PIGG: variants seen among roughly 807,000 people sequenced by gnomAD.
PIGG encodes phosphatidylinositol glycan anchor biosynthesis class G (EMM blood group).
PIGG carries 70 observed loss-of-function variants against 83.2 expected under a neutral mutation model. That is an observed-to-expected ratio of 0.84 (90% CI 0.69 to 1.03). The LOEUF (loss-of-function observed/expected upper bound fraction) is 1.03, where lower values mean the gene tolerates loss of function less well. PIGG is among the 50% of genes least tolerant of loss of function. The probability of loss-of-function intolerance (pLI) is 0.00; values close to 1 mark genes in which losing one functional copy is unlikely to be tolerated. For synonymous variants in PIGG, 532 were observed against 519.5 expected (o/e 1.02, Z -0.33); for missense variants, 1,257 against 1,233.6 (o/e 1.02, Z -0.28).
Position 528,498 on chromosome 4 carries a change from G to A in PIGG, c.2261+1268G>A, listed in dbSNP as rs1360002174. The A allele has an allele frequency of 9.1e-6, 9 of 985,226 alleles. No homozygotes were observed. Among genetic ancestry groups the A allele is most frequent in the Middle Eastern group, 5.2e-4 (1 of 1,936 alleles). 61.0% of individuals were successfully genotyped at this position (985,226 alleles called of 1,614,324 possible). Reference sequence around the variant, plus strand: ...GGGAGTAAGGGGTGGGAGTTAGGGTGACCTGAGGCCTGGCTGAGGCAGTGA... The same window carrying A: ...GGGAGTAAGGGGTGGGAGTTAGGGTAACCTGAGGCCTGGCTGAGGCAGTGA... On this transcript the variant is annotated intron_variant, in intron 10 of 12. Transcript: ENST00000453061. The surrounding 1 kb of genome is among the most constrained non-coding windows in gnomAD (Gnocchi z 4.8).
intron 6 of PIGG, among the ~76,000 whole-genome samples, chr4:519,002 G>T (rs997590494): frequency 6.6e-5 from 10 of 152,094 alleles, no homozygotes; most frequent in Admixed American, 5.2e-4. Flanking sequence ...TCAGCTTGAT[G>T]CTCTTCCTGC....
chr4:539,293 G>A lies in PIGG; in HGVS notation c.2876G>A (p.Gly959Glu). 6.2e-7 allele frequency: 1 copy of A among 1,613,752 alleles called. No homozygotes were observed. The highest frequency in any genetic ancestry group is 8.5e-7 in the Non-Finnish European group (1 of 1,179,668). Residue 959 changes from glycine to glutamate, a missense_variant, in exon 13 of 13, where the codon GGA (glycine) becomes GAA (glutamate). Coordinates refer to ENST00000453061, the MANE Select transcript of PIGG (RefSeq NM_001127178.3). ...TTTTCTCCAAAACTTCTCTACGAGGGAATGCACCTGCTCATTACAGCTGCT... is the reference window on the plus strand; with the variant it reads ...TTTTCTCCAAAACTTCTCTACGAGGAAATGCACCTGCTCATTACAGCTGCT... ...SVFSPKLLYE[G>E]MHLLITAAVC...
intron 10 of PIGG, chr4:527,849 G>C (rs1728085727): frequency 3.2e-5 from 32 of 985,296 alleles, no homozygotes; most frequent in Non-Finnish European, 3.7e-5. Context: ...ATGAGCAGAG[G>C]CCGTTCTGGA....
Position 521,787 on chromosome 4 carries a change from A to G in PIGG, c.1460A>G (p.His487Arg). ...GTGATCCTGGTTCTTTCGGCCGTTC[A>G]CGTCATTGTGTGCACCTCAGCTGAA... ...YLVILVLSAV[H>R]VIVCTSAESS... Residue 487 changes from histidine to arginine, a missense_variant, in exon 8 of 13, where the codon CAC (histidine) becomes CGC (arginine). His to Arg is a conservative substitution (Grantham distance 29). Coordinates refer to ENST00000453061, the MANE Select transcript of PIGG (RefSeq NM_001127178.3). 2 of 1,614,140 alleles carry G rather than the reference A, an allele frequency of 1.2e-6. No homozygotes were observed. Among genetic ancestry groups the G allele is most frequent in the Non-Finnish European group, 1.7e-6 (2 of 1,180,014 alleles).
Position 539,432 on chromosome 4 carries a change from A to G in PIGG, c.*63A>G, listed in dbSNP as rs2109074953. 9.9e-7 allele frequency: 1 copy of G among 1,011,680 alleles called. No individual in the cohort carries two copies. Among genetic ancestry groups the G allele is most frequent in the South Asian group, 1.5e-5 (1 of 67,818 alleles). 62.7% of individuals were successfully genotyped at this position (1,011,680 alleles called of 1,614,324 possible). On this transcript the variant is annotated 3_prime_UTR_variant, in exon 13 of 13. Transcript: ENST00000453061. ...GTCTGCTGTTATTCTAAAATGAAAG[A>G]TATGAATTCAACAAAGTTGATGGAT...
chr4:523,505 T>C lies in PIGG; in HGVS notation c.1661T>C (p.Ile554Thr), dbSNP rs1025683782. 1 of 1,614,132 alleles carries C rather than the reference T, an allele frequency of 6.2e-7. No individual in the cohort carries two copies. Residue 554 changes from isoleucine to threonine, a missense_variant, in exon 9 of 13, where the codon ATT (isoleucine) becomes ACT (threonine). Ile to Thr is a moderately conservative substitution (Grantham distance 89). Transcript: ENST00000453061. ...SSRWSELDLLILLGTAGHVLS... is the reference protein window; with the variant it reads ...SSRWSELDLLTLLGTAGHVLS... ...AGGTGGTCAGAGCTAGACCTTCTTA[T>C]TCTGTTGGGGACGGCGGGCCACGTC... is the stretch of plus-strand genomic sequence containing the variant.
At chr4:539,069 G>A (rs1191451392) in intron 12 of PIGG, 84 bp from the exon 13 acceptor site, 5 of 846,836 alleles carry the variant, frequency 5.9e-6, no homozygotes, top group Non-Finnish European at 9.9e-6. Flanking sequence ...AGAGCTACTG[G>A]AGTCTTTTTG....
At chr4:503,479 C>T (rs1553876965) in intron 2 of PIGG, among the ~76,000 whole-genome samples, 1 of 152,176 alleles carries the variant, frequency 6.6e-6, no homozygotes, top group Non-Finnish European at 1.5e-5. Context: ...AGGTCACACG[C>T]AGCTCATTTC....
Position 503,217 on chromosome 4 carries a change from G to A in PIGG, c.361-2501G>A, listed in dbSNP as rs1007107345. ...TGGTATCTCCACTGCCACCACCGTC[G>A]TCCAGGCTGCTGTGGGCTCCAGCCT... On this transcript the variant is annotated intron_variant, in intron 2 of 12. Coordinates refer to ENST00000453061, the MANE Select transcript of PIGG (RefSeq NM_001127178.3). Among the ~76,000 whole-genome samples the A allele has an allele frequency of 3.9e-5, 6 of 152,100 alleles. No individual in the cohort carries two copies. The East Asian group carries it at 7.7e-4, about 20-fold the overall frequency.
chr4:530,308 G>T, intron 10 of PIGG, 128 bp from the exon 11 acceptor site: 1 of 672,968 alleles, frequency 1.5e-6, no homozygotes, highest in Admixed American at 2.8e-5. Context: ...GGGTGCCGCG[G>T]CTCCTTTAGT....
At position 499,493 on chromosome 4, in the gene PIGG, C is replaced by A; in HGVS notation, c.154+4C>A. 1 of 1,590,124 alleles carries A rather than the reference C, an allele frequency of 6.3e-7. No individual in the cohort carries two copies. Among genetic ancestry groups the A allele is most frequent in the Non-Finnish European group, 8.5e-7 (1 of 1,174,720 alleles). ...CCAGCGCCCGAACCCTCGGCTGGTA[C>A]GGACCCCTCCCCGGCGTCTCCGCTC... On this transcript the variant is annotated splice_donor_region_variant and intron_variant, in intron 1 of 12. Coordinates refer to ENST00000453061, the MANE Select transcript of PIGG (RefSeq NM_001127178.3).
At chr4:533,648 C>T in intron 11 of PIGG, 170 bp from the exon 12 acceptor site, 1 of 634,328 alleles carries the variant, frequency 1.6e-6, no homozygotes, top group Non-Finnish European at 2.8e-6. Context: ...GCCAGCTCGG[C>T]AGTCTGAAGG....
chr4:500,071 G>A (rs1046864030), intron 1 of PIGG: 7 of 305,344 alleles, frequency 2.3e-5, no homozygotes, highest in Non-Finnish European at 4.3e-5. Context: ...CAGCCATCCC[G>A]TAGCTGCAGC....
chr4:516,854 CAAAA>C (rs1178401194), intron 6 of PIGG, among the ~76,000 whole-genome samples: 6 of 46,518 alleles, frequency 1.3e-4, no homozygotes, highest in African/African-American at 5.1e-4. Flanking sequence ...GACTCTGCCT[CAAAA>C]AAAAAAAAAA....
intron 9 of PIGG, among the ~76,000 whole-genome samples, chr4:526,735 A>G (rs1485890822): frequency 1.4e-5 from 2 of 147,306 alleles, no homozygotes; most frequent in Non-Finnish European, 3.0e-5. Flanking sequence ...TTTTTTTTTA[A>G]TGAGTTCTCA....
intron 8 of PIGG, 114 bp downstream of exon 8, chr4:522,055 C>A (rs13136656): frequency 0.12 from 137,971 of 1,148,990 alleles, 9,885 homozygotes; most frequent in African/African-American, 0.28. Flanking sequence ...GTGTGTGCCA[C>A]GTGCTGGCAG....
rs1560394884 is a variant in PIGG at position 539,193 on chromosome 4, A to G, written c.2776A>G (p.Ile926Val). 2 of 1,613,572 alleles carry G rather than the reference A, an allele frequency of 1.2e-6. No individual in the cohort carries two copies. Among genetic ancestry groups the G allele is most frequent in the Admixed American group, 1.7e-5 (1 of 60,026 alleles). The change falls in exon 13 of 13, where the codon ATT becomes GTT. Residue 926 changes from isoleucine to valine, a missense_variant. Coordinates refer to ENST00000453061, the MANE Select transcript of PIGG (RefSeq NM_001127178.3). ...TCATGCTTGCTTCTGCTACGCACTG[A>G]TTTGTTCTATTCCAGTTTTCACGTA... ...LSHACFCYAL[I>V]CSIPVFTYIV...
chr4:538,635 CA>C (rs1731326229), intron 12 of PIGG, among the ~76,000 whole-genome samples: 1 of 152,214 alleles, frequency 6.6e-6, no homozygotes, highest in South Asian at 2.1e-4. Context: ...GTTGGGGCTG[CA>C]GCTCATGTCC....
intron 6 of PIGG, among the ~76,000 whole-genome samples, chr4:517,570 A>G (rs1231351607): frequency 6.6e-6 from 1 of 152,134 alleles, no homozygotes; most frequent in Non-Finnish European, 1.5e-5. Flanking sequence ...AGCTGCGTCA[A>G]AGGTTGGTAT....
Sources: allele counts gnomAD v4.1 joint callset (sites outside exome capture counted in the v4.1 genomes callset), GRCh38; gene constraint gnomAD v4.1.1; non-coding constraint Gnocchi (gnomAD v3.1); transcripts MANE v1.5; gene names NCBI Gene and HGNC (gene_info 2026-07-23, HGNC 2026-07-21).